ANK3: variants seen among roughly 807,000 people sequenced by gnomAD.
The protein encoded by ANK3 is ankyrin-3.
In ANK3, 57 loss-of-function variants were observed where a neutral mutation model predicts 370.9. The observed-to-expected ratio is 0.15, with a 90% CI of 0.12 to 0.19. The LOEUF (loss-of-function observed/expected upper bound fraction) is 0.19. ANK3 is among the 10% of genes least tolerant of loss of function. ANK3 has a pLI of 1.00. For missense variants in ANK3, 4,439 were observed against 5,302.1 expected, an observed-to-expected ratio of 0.84 and a Z score of 5.06; for synonymous variants, 1,929 against 1,946.3, an observed-to-expected ratio of 0.99 and a Z score of 0.23.
chr10:60,441,833 T>C (rs1049375366), intron 2 of ANK3, among the ~76,000 whole-genome samples: 12 of 152,208 alleles, frequency 7.9e-5, no homozygotes, highest in Admixed American at 5.9e-4. Context: ...TAACTTTCTC[T>C]GCCATATAAA....
chr10:60,603,848 A>G (rs1312354506), intron 2 of ANK3, among the ~76,000 whole-genome samples: 1 of 152,044 alleles, frequency 6.6e-6, no homozygotes, highest in Non-Finnish European at 1.5e-5. Flanking sequence ...CTGCTTGTCT[A>G]TCTGTAAGAA....
intron 1 of ANK3, among the ~76,000 whole-genome samples, chr10:60,625,282 C>G (rs571900883): frequency 6.6e-6 from 1 of 152,118 alleles, no homozygotes; most frequent in South Asian, 2.1e-4. Flanking sequence ...GAGACAAGAA[C>G]CCCACAGAGC....
chr10:60,651,569 A>G (rs1184031801), intron 1 of ANK3, among the ~76,000 whole-genome samples: 2 of 152,208 alleles, frequency 1.3e-5, no homozygotes, highest in Admixed American at 6.5e-5. Flanking sequence ...TTTTTGCTAT[A>G]TAATGCAGCA....
At chr10:60,423,299 A>T (rs2063815353) in intron 2 of ANK3, among the ~76,000 whole-genome samples, 1 of 150,424 alleles carries the variant, frequency 6.6e-6, no homozygotes, top group African/African-American at 2.5e-5. Flanking sequence ...ACAATCATTG[A>T]TTTTTAAATA....
chr10:60,105,350 C>T (rs915440211), intron 28 of ANK3, among the ~76,000 whole-genome samples: 1 of 152,046 alleles, frequency 6.6e-6, no homozygotes, highest in African/African-American at 2.4e-5. Context: ...GAAAAAGTGA[C>T]ATGCTCAGAT....
In ANK3 at chr10:60,029,426, A is replaced by G. The variant is rs1329969631; in HGVS notation, c.*420T>C. On this transcript the variant is annotated 3_prime_UTR_variant, in exon 44 of 44. Transcript: ENST00000280772. The stretch of plus-strand genomic sequence containing the variant: ...ATACCCTGACAGTTTGGGTCCAAGA[A>G]AAATAAGGCGAGCTGTTGTAGATTT... 1 of 152,654 alleles carries G rather than the reference A, an allele frequency of 6.6e-6. No individual in the cohort carries two copies. Among genetic ancestry groups the G allele is most frequent in the Admixed American group, 6.5e-5 (1 of 15,274 alleles). The allele number at this position is 152,654 out of a possible 1,614,324, so 9.5% of individuals were successfully genotyped here. A position where few individuals can be genotyped will look rare whatever the true frequency, so the allele number is the denominator to read the frequency against.
chr10:60,594,518 C>T (rs1014223111), intron 2 of ANK3, among the ~76,000 whole-genome samples: 2 of 152,096 alleles, frequency 1.3e-5, no homozygotes, highest in Non-Finnish European at 2.9e-5. Flanking sequence ...TCATTCATTA[C>T]ATTTAATAAC....
chr10:60,534,279 GC>G (rs1184057783), intron 2 of ANK3, among the ~76,000 whole-genome samples: 1 of 152,072 alleles, frequency 6.6e-6, no homozygotes, highest in African/African-American at 2.4e-5. Flanking sequence ...TGAGTGGGTG[GC>G]TAGGTTTGTT....
rs79782056 is a variant in ANK3 at position 60,687,442 on chromosome 10, A to C, written c.57+45821T>G. 7.3e-3 allele frequency among the ~76,000 whole-genome samples: 1,104 copies of C among 152,126 alleles called. 15 individuals carry two copies. Among genetic ancestry groups the C allele is most frequent in the African/African-American group, 0.025 (1,030 of 41,540 alleles). ...CACACAGATGGTCAACAGGCACACAAAAAAAATGCTCGACATCACTAATCA... is the reference window on the plus strand; with the variant it reads ...CACACAGATGGTCAACAGGCACACACAAAAAATGCTCGACATCACTAATCA... On this transcript the variant is annotated intron_variant, in intron 1 of 43. Coordinates refer to the ANK3 transcript ENST00000373827.
chr10:60,652,738 G>A (rs1294987139), intron 1 of ANK3, among the ~76,000 whole-genome samples: 2 of 149,414 alleles, frequency 1.3e-5, no homozygotes, highest in Admixed American at 1.3e-4. Context: ...ATGGGACCAC[G>A]AAGGTTCCAG....
At chr10:60,173,492 T>G (rs1213803349) in intron 18 of ANK3, among the ~76,000 whole-genome samples, 1 of 152,204 alleles carries the variant, frequency 6.6e-6, no homozygotes, top group Non-Finnish European at 1.5e-5. Context: ...ATAGACAAAC[T>G]GATTCAGTGG....
At chr10:60,484,857 T>C (rs2075309950) in intron 2 of ANK3, among the ~76,000 whole-genome samples, 1 of 152,180 alleles carries the variant, frequency 6.6e-6, no homozygotes, top group South Asian at 2.1e-4. Flanking sequence ...CCAATGTTAC[T>C]TTCCTTTTAT....
At chr10:60,384,983 C>T (rs1464788334) in intron 1 of ANK3, among the ~76,000 whole-genome samples, 4 of 152,136 alleles carry the variant, frequency 2.6e-5, no homozygotes, top group African/African-American at 4.8e-5. Context: ...CCTGGATCCC[C>T]ATCAGAGCTT....
At chr10:60,212,562 C>A (rs937278672) in intron 9 of ANK3, among the ~76,000 whole-genome samples, 7 of 152,134 alleles carry the variant, frequency 4.6e-5, no homozygotes, top group Non-Finnish European at 1.0e-4. Context: ...TTAGACAATA[C>A]CCTCAACAGC....
At chr10:60,285,628 G>T (rs539903900) in intron 1 of ANK3, among the ~76,000 whole-genome samples, 18 of 151,864 alleles carry the variant, frequency 1.2e-4, no homozygotes, top group African/African-American at 4.3e-4. Context: ...TTTCCTTCCT[G>T]CATGCTCTTT....
chr10:60,282,021 A>G (rs1444075612), intron 1 of ANK3, among the ~76,000 whole-genome samples: 1 of 152,222 alleles, frequency 6.6e-6, no homozygotes, highest in East Asian at 1.9e-4. Flanking sequence ...TTTTTTGTTT[A>G]TAAGTTCAGT....
At chr10:60,176,498 A>T (rs995373981) in intron 18 of ANK3, among the ~76,000 whole-genome samples, 2 of 152,078 alleles carry the variant, frequency 1.3e-5, no homozygotes, top group Non-Finnish European at 2.9e-5. Flanking sequence ...ACAGTAGCTC[A>T]TGTCTGTAAT....
intron 22 of ANK3, 80 bp downstream of exon 22, chr10:60,166,744 T>C: frequency 6.3e-7 from 1 of 1,586,812 alleles, no homozygotes. Flanking sequence ...ATAAACATTT[T>C]TGCAATGGAC....
intron 1 of ANK3, among the ~76,000 whole-genome samples, chr10:60,717,952 T>C (rs949676999): frequency 6.6e-6 from 1 of 152,234 alleles, no homozygotes; most frequent in African/African-American, 2.4e-5. Context: ...TCAGTATTTA[T>C]AGACAGAAAA....
Sources: gnomAD v4.1 joint callset for allele counts (sites outside exome capture counted in the v4.1 genomes callset) on GRCh38, gnomAD v4.1.1 for gene constraint, MANE v1.5 for transcripts, NCBI Gene and HGNC (gene_info 2026-07-23, HGNC 2026-07-21) for gene names.